Variants in LRRFIP2 observed in about 807,000 individuals in gnomAD.
LRRFIP2 encodes leucine-rich repeat flightless-interacting protein 2.
LRRFIP2 carries 109 observed loss-of-function variants against 125.9 expected under a neutral mutation model. The observed-to-expected ratio is 0.87, with a 90% CI of 0.74 to 1.01. LRRFIP2 has a LOEUF of 1.01. Among genes scored for constraint, LRRFIP2 ranks in the 50% least tolerant of loss-of-function variants. LRRFIP2 has a pLI of 0.00. For missense variants in LRRFIP2, 850 were observed against 862.3 expected, an observed-to-expected ratio of 0.99 and a Z score of 0.18; for synonymous variants, 291 against 293.1, an observed-to-expected ratio of 0.99 and a Z score of 0.07.
intron 2 of LRRFIP2, among the ~76,000 whole-genome samples, chr3:37,133,044 C>A (rs553257425): frequency 8.6e-5 from 13 of 151,758 alleles, no homozygotes; most frequent in South Asian, 8.3e-4. Context: ...GTCAACATGG[C>A]GAAATCCCGT....
intron 17 of LRRFIP2, chr3:37,093,125 ATTTT>A (rs899462538): frequency 6.6e-6 from 1 of 152,352 alleles, no homozygotes; most frequent in African/African-American, 2.4e-5. Context: ...TGGGTGACAA[ATTTT>A]TTTTTAAGGC....
rs1390328663 is a variant in LRRFIP2 at position 37,112,921 on chromosome 3, G to C, written c.432C>G (p.Asp144Glu). ...MKKRSSDSHK[D>E]LLSGLYFDQR... Reference sequence around the variant, plus strand: ...GAGAGACAACAGAACTAACCAGTAGGTCTTTATGAGAATCAGAAGACCTCT... The same window carrying C: ...GAGAGACAACAGAACTAACCAGTAGCTCTTTATGAGAATCAGAAGACCTCT... The change falls in exon 8 of 28, where the codon GAC becomes GAG. Residue 144 changes from aspartate (D) to glutamate (E), a missense_variant. Asp to Glu is a conservative substitution (Grantham distance 45). Transcript: ENST00000336686. 6.4e-7 allele frequency: 1 copy of C among 1,559,814 alleles called. No homozygotes were observed. The highest frequency in any genetic ancestry group is 1.2e-5 in the South Asian group (1 of 86,862).
intron 19 of LRRFIP2, among the ~76,000 whole-genome samples, chr3:37,083,195 A>G (rs998037518): frequency 6.6e-6 from 1 of 152,220 alleles, no homozygotes; most frequent in East Asian, 1.9e-4. Context: ...CTGATTTTAA[A>G]TAACTGATTA....
intron 1 of LRRFIP2, among the ~76,000 whole-genome samples, chr3:37,160,406 C>T (rs1378033967): frequency 6.6e-6 from 1 of 152,096 alleles, no homozygotes. Flanking sequence ...AAGAAAACTT[C>T]AAAAATAACC....
At chr3:37,066,085 T>C (rs1377422593) in intron 22 of LRRFIP2, 139 bp downstream of exon 22, 2 of 1,332,096 alleles carry the variant, frequency 1.5e-6, no homozygotes, top group East Asian at 2.3e-5. Context: ...GTGTAAGAAA[T>C]AGCTTCAACC....
At position 37,053,072 on chromosome 3, in the gene LRRFIP2, AC is replaced by A. The variant is rs2085927546; in HGVS notation, c.*778del. 1 of 152,266 alleles carries A rather than the reference AC, an allele frequency of 6.6e-6. No homozygotes were observed. The highest frequency in any genetic ancestry group is 1.5e-5 in the Non-Finnish European group (1 of 67,962). 9.4% of individuals were successfully genotyped at this position (152,266 alleles called of 1,614,324 possible). On this transcript the variant is annotated 3_prime_UTR_variant, in exon 28 of 28. Transcript: ENST00000336686. ...ATTTCCAATCTGCCTGCCCTGCCCT[AC>A]CCTCCCCCTTTGGGTTTGTTTGAGG...
chr3:37,115,181 A>T (rs2094723321), intron 6 of LRRFIP2, 86 bp from the exon 7 acceptor site: 2 of 919,718 alleles, frequency 2.2e-6, no homozygotes, highest in African/African-American at 1.6e-5. Flanking sequence ...AGGTTATTTT[A>T]AAAATCCAGC....
At chr3:37,058,973 C>T in intron 24 of LRRFIP2, 63 bp from the exon 25 acceptor site, 1 of 1,599,710 alleles carries the variant, frequency 6.3e-7, no homozygotes, top group Non-Finnish European at 8.5e-7. Flanking sequence ...GATGCTTATT[C>T]TATGGTCACA....
At chr3:37,092,055 G>C (rs186421121) in intron 17 of LRRFIP2, among the ~76,000 whole-genome samples, 47 of 152,248 alleles carry the variant, frequency 3.1e-4, no homozygotes, top group African/African-American at 1.1e-3. Flanking sequence ...CAATTAACTT[G>C]AGAGAAAGGG....
rs201000133 is a variant in LRRFIP2 at position 37,083,772 on chromosome 3, T to G, written c.1142A>C (p.Lys381Thr). Residue 381 changes from lysine to threonine, a missense_variant, in exon 19 of 28, where the codon AAA becomes ACA. Lys to Thr is a moderately conservative substitution (Grantham distance 78). Transcript: ENST00000336686. ...TAACTGTGCATTGGAAACCATGGCT[T>G]TCTTGTATTTTTCTTCCACTTCAGA... Reference protein sequence around the residue: ...SLSEVEEKYKKAMVSNAQLDN... With the variant: ...SLSEVEEKYKTAMVSNAQLDN... The G allele has an allele frequency of 1.5e-5, 24 of 1,593,040 alleles. No individual in the cohort carries two copies. The highest frequency in any genetic ancestry group is 2.0e-5 in the Non-Finnish European group (23 of 1,173,796).
intron 1 of LRRFIP2, chr3:37,154,628 G>C (rs1429910489): frequency 6.6e-6 from 1 of 152,224 alleles, no homozygotes; most frequent in Non-Finnish European, 1.5e-5. Context: ...AAGAAGGAAA[G>C]TATCTTCAGG....
intron 9 of LRRFIP2, 115 bp from the exon 10 acceptor site, chr3:37,109,818 A>C: frequency 1.2e-6 from 1 of 825,406 alleles, no homozygotes; most frequent in Non-Finnish European, 2.0e-6. Context: ...ATTCATTAGC[A>C]ATTCCTGAGT....
At chr3:37,127,816 A>C in intron 3 of LRRFIP2, 136 bp from the exon 4 acceptor site, 1 of 678,550 alleles carries the variant, frequency 1.5e-6, no homozygotes, top group Non-Finnish European at 2.6e-6. Flanking sequence ...AATACAGAAA[A>C]TTAGTAAGCT....
At chr3:37,118,206 A>AC (rs1051542774) in intron 6 of LRRFIP2, among the ~76,000 whole-genome samples, 3 of 152,110 alleles carry the variant, frequency 2.0e-5, no homozygotes, top group African/African-American at 7.2e-5. Context: ...GGCATGCAGC[A>AC]CCACACCCAG....
chr3:37,082,378 T>C, intron 19 of LRRFIP2, among the ~76,000 whole-genome samples: 1 of 152,148 alleles, frequency 6.6e-6, no homozygotes, highest in East Asian at 1.9e-4. Context: ...TTTAGAGCAG[T>C]TTAAGATTCA....
chr3:37,057,109 C>A (rs140794129), intron 25 of LRRFIP2, among the ~76,000 whole-genome samples: 4 of 152,306 alleles, frequency 2.6e-5, no homozygotes, highest in Non-Finnish European at 4.4e-5. Flanking sequence ...TTCCCACAGT[C>A]CTGCAAAGCT....
At chr3:37,076,563 T>C (rs557981770) in intron 19 of LRRFIP2, among the ~76,000 whole-genome samples, 45 of 150,894 alleles carry the variant, frequency 3.0e-4, no homozygotes, top group Non-Finnish European at 5.8e-4. Context: ...AACTTTTGAA[T>C]GGCAGAGAAT....
intron 9 of LRRFIP2, 52 bp from the exon 10 acceptor site, chr3:37,109,755 G>A: frequency 6.6e-7 from 1 of 1,511,220 alleles, no homozygotes; most frequent in Non-Finnish European, 9.2e-7. Context: ...AAGATGAATT[G>A]GTCTCACCAT....
rs1040786210 is a variant in LRRFIP2, at chr3:37,108,186, G to C, written c.658-57C>G. 4 of 1,366,058 alleles carry C rather than the reference G, an allele frequency of 2.9e-6. No individual in the cohort carries two copies. In the African/African-American group the frequency reaches 5.7e-5, roughly 20 times the overall value. 84.6% of individuals were successfully genotyped at this position (1,366,058 alleles called of 1,614,324 possible). On this transcript the variant is annotated intron_variant, in intron 12 of 27. Transcript: ENST00000336686. ...ACAATGATCACCTCATTATTCTAAT[G>C]AGAATACATTAGGGACCATTTACCT...
Sources: gnomAD v4.1 joint callset for allele counts (sites outside exome capture counted in the v4.1 genomes callset) on GRCh38, gnomAD v4.1.1 for gene constraint, MANE v1.5 for transcripts, NCBI Gene and HGNC (gene_info 2026-07-23, HGNC 2026-07-21) for gene names.